Variants in ABHD3 observed in about 807,000 individuals in gnomAD.
The protein encoded by ABHD3 is abhydrolase domain containing 3, phospholipase.
A neutral mutation model predicts 48.8 loss-of-function variants in ABHD3; 46 were observed. That is an observed-to-expected ratio of 0.94 (90% CI 0.74 to 1.20). The LOEUF (loss-of-function observed/expected upper bound fraction) is 1.20. ABHD3 is among the 50% of genes most tolerant of loss of function. The pLI is 0.00. For missense variants in ABHD3, 490 were observed against 497.8 expected (o/e 0.98, Z 0.15); for synonymous variants, 192 against 183.7 (o/e 1.04, Z -0.36).
At chr18:21,685,078 C>G (rs986645087) in intron 3 of ABHD3, among the ~76,000 whole-genome samples, 1 of 152,154 alleles carries the variant, frequency 6.6e-6, no homozygotes, top group Non-Finnish European at 1.5e-5. Context: ...GCCACAGGCC[C>G]AGATATGTAT....
chr18:21,688,058 T>C (rs2040167318), intron 3 of ABHD3, among the ~76,000 whole-genome samples: 1 of 152,196 alleles, frequency 6.6e-6, no homozygotes, highest in Non-Finnish European at 1.5e-5. Flanking sequence ...CTGCTCAGGC[T>C]TGAACCCTGG....
At chr18:21,686,702 G>T (rs566078442) in intron 3 of ABHD3, among the ~76,000 whole-genome samples, 8 of 152,296 alleles carry the variant, frequency 5.3e-5, no homozygotes, top group Admixed American at 2.0e-4. Flanking sequence ...TGGACGTGGG[G>T]CAGAGAGATA....
Position 21,657,014 on chromosome 18 carries a change from T to C in ABHD3, c.904A>G (p.Arg302Gly), listed in dbSNP as rs2039367214. Reference sequence around the variant, plus strand: ...GAAGTGAATCGCTTATCAAACTCTCTGATGGATTTAGCCTGAAACACAAAA... The same window carrying C: ...GAAGTGAATCGCTTATCAAACTCTCCGATGGATTTAGCCTGAAACACAAAA... ...MDHVMKAKSI[R>G]EFDKRFTSVM... Residue 302 changes from arginine to glycine, a missense_variant, in exon 8 of 9, where the codon AGA becomes GGA. Arg to Gly is a moderately radical substitution (Grantham distance 125, BLOSUM62 -2). Transcript: ENST00000289119. 6.2e-7 allele frequency: 1 copy of C among 1,614,078 alleles called. No individual in the cohort carries two copies. The highest frequency in any genetic ancestry group is 8.5e-7 in the Non-Finnish European group (1 of 1,179,996).
intron 4 of ABHD3, among the ~76,000 whole-genome samples, chr18:21,667,650 C>T (rs2039665135): frequency 6.6e-6 from 1 of 152,080 alleles, no homozygotes; most frequent in South Asian, 2.1e-4. Flanking sequence ...GAAAGAAAAA[C>T]GTTAACCTGA....
chr18:21,665,603 TC>T (rs2039604004), intron 4 of ABHD3, among the ~76,000 whole-genome samples: 1 of 151,948 alleles, frequency 6.6e-6, no homozygotes, highest in African/African-American at 2.4e-5. Context: ...GATCATGAGC[TC>T]AGGAGATGGA....
At chr18:21,674,169 G>A (rs551272445) in intron 4 of ABHD3, among the ~76,000 whole-genome samples, 1 of 151,988 alleles carries the variant, frequency 6.6e-6, no homozygotes, top group Admixed American at 6.6e-5. Context: ...TATTAAGCAT[G>A]ATACCTAGCT....
At chr18:21,655,284 GTTTTTTT>G (rs1296017863) in intron 8 of ABHD3, among the ~76,000 whole-genome samples, 24 of 127,712 alleles carry the variant, frequency 1.9e-4, no homozygotes, top group African/African-American at 4.1e-4. Context: ...GAGAGAAAAA[GTTTTTTT>G]TTTTTTTTTT....
intron 5 of ABHD3, among the ~76,000 whole-genome samples, chr18:21,660,487 A>G (rs1334083571): frequency 6.6e-6 from 1 of 152,078 alleles, no homozygotes; most frequent in Non-Finnish European, 1.5e-5. Flanking sequence ...TGCTAATTCT[A>G]TTTTGGTAAG....
At chr18:21,657,232 T>C in intron 6 of ABHD3, 80 bp from the exon 7 acceptor site, 2 of 1,317,136 alleles carry the variant, frequency 1.5e-6, no homozygotes, top group Non-Finnish European at 2.1e-6. Flanking sequence ...AACAAATTAC[T>C]AAACAGCCTA....
intron 8 of ABHD3, among the ~76,000 whole-genome samples, chr18:21,652,873 T>A (rs1361450588): frequency 6.7e-6 from 1 of 149,274 alleles, no homozygotes; most frequent in African/African-American, 2.5e-5. Context: ...GCCAACGTGG[T>A]GAAACCCCAT....
intron 4 of ABHD3, 82 bp from the exon 5 acceptor site, chr18:21,664,312 AG>A: frequency 7.7e-7 from 1 of 1,302,752 alleles, no homozygotes; most frequent in Non-Finnish European, 1.1e-6. Context: ...AACAGGAGCA[AG>A]GAGTCATACA....
intron 8 of ABHD3, chr18:21,655,195 A>G (rs2094005313): frequency 6.6e-6 from 1 of 152,032 alleles, no homozygotes; most frequent in Non-Finnish European, 1.5e-5. Context: ...ATTTCACAAC[A>G]TATGTGTTAT....
At chr18:21,697,324 C>T (rs569322245) in intron 3 of ABHD3, among the ~76,000 whole-genome samples, 47 of 152,132 alleles carry the variant, frequency 3.1e-4, no homozygotes, top group African/African-American at 1.1e-3. Context: ...CAGCCCACCT[C>T]GGACTCCCGA....
At chr18:21,662,879 C>T (rs182405946) in intron 5 of ABHD3, among the ~76,000 whole-genome samples, 7 of 152,272 alleles carry the variant, frequency 4.6e-5, no homozygotes, top group African/African-American at 1.2e-4. Flanking sequence ...ATGTAAGCTC[C>T]GGCCTTTAGA....
intron 3 of ABHD3, among the ~76,000 whole-genome samples, chr18:21,688,052 T>A (rs2040167065): frequency 6.6e-6 from 1 of 152,144 alleles, no homozygotes; most frequent in Non-Finnish European, 1.5e-5. Context: ...TTGAATCTGC[T>A]CAGGCTTGAA....
At chr18:21,692,684 CTTA>C (rs2040279549) in intron 3 of ABHD3, among the ~76,000 whole-genome samples, 2 of 152,194 alleles carry the variant, frequency 1.3e-5, no homozygotes, top group African/African-American at 2.4e-5. Context: ...TTCCAGTGAT[CTTA>C]TTCTATTTTA....
intron 3 of ABHD3, among the ~76,000 whole-genome samples, chr18:21,700,887 AGACTGCAGTG>A (rs2040495133): frequency 1.4e-5 from 2 of 145,592 alleles, no homozygotes; most frequent in African/African-American, 5.2e-5. Flanking sequence ...CGCCTGTAAG[AGACTGCAGTG>A]AACCATGATC....
intron 5 of ABHD3, among the ~76,000 whole-genome samples, chr18:21,660,619 A>G (rs1254213821): frequency 6.6e-6 from 1 of 152,134 alleles, no homozygotes; most frequent in Non-Finnish European, 1.5e-5. Flanking sequence ...GATTTCTTCA[A>G]TTGTCCATGT....
At chr18:21,682,868 A>G (rs10164204) in intron 4 of ABHD3, 50,718 of 152,058 alleles carry the variant, frequency 0.33, 12,556 homozygotes, top group African/African-American at 0.67. Context: ...CGAGATTCCT[A>G]AAGGGCTGGA....
Sources: allele counts gnomAD v4.1 joint callset (sites outside exome capture counted in the v4.1 genomes callset), GRCh38; gene constraint gnomAD v4.1.1; transcripts MANE v1.5; gene names NCBI Gene and HGNC (gene_info 2026-07-23, HGNC 2026-07-21).